The following RAB20 variants were observed in gnomAD, a reference collection of about 807,000 sequenced individuals.
The protein encoded by RAB20 is RAB20, member RAS oncogene family.
RAB20 carries 2 observed loss-of-function variants against 3.7 expected under a neutral mutation model. That is an observed-to-expected ratio of 0.54 (90% confidence interval 0.22 to 1.69). The LOEUF (loss-of-function observed/expected upper bound fraction) is 1.69, where lower values mean the gene tolerates loss of function less well. Among genes scored for constraint, RAB20 ranks in the 40% most tolerant of loss-of-function variants. RAB20 has a pLI of 0.19. For synonymous variants in RAB20, 126 were observed against 130.8 expected (o/e 0.96, Z 0.25); for missense variants, 276 against 311.9 (o/e 0.88, Z 0.87).
At position 110,555,924 on chromosome 13, in the gene RAB20, G is replaced by T. The variant is rs144405426; in HGVS notation, c.172+5424C>A. ...TCCCTCCTCCCTTTGTAACATGCCT[G>T]CTGGTGTAACCTCAGTGACAGGCAC... is the stretch of plus-strand genomic sequence containing the variant. On this transcript the variant is annotated intron_variant, in intron 1 of 1. Transcript: ENST00000267328. The surrounding 1 kb of genome is among the most constrained non-coding windows in gnomAD (Gnocchi z 4.0). Among the ~76,000 whole-genome samples the T allele has an allele frequency of 4.3e-4, 66 of 152,324 alleles. No homozygotes were observed. The East Asian group carries it at 0.012, about 27-fold the overall frequency.
At position 110,524,131 on chromosome 13, in the gene RAB20, T is replaced by G; in HGVS notation, c.239A>C (p.Tyr80Ser). Residue 80 changes from tyrosine to serine, a missense_variant, in exon 2 of 2, where the codon TAT becomes TCT. Physicochemically the swap from Tyr to Ser is moderately radical, Grantham distance 144. Coordinates refer to ENST00000267328, the MANE Select transcript of RAB20 (RefSeq NM_017817.3). ...CAGGCTCTGCCGGTGATTCACATCA[T>G]AGGTGAGGATGATGGCGGCCGCCCC... is the stretch of plus-strand genomic sequence containing the variant. ...CRGAAAIILT[Y>S]DVNHRQSLVE... 6.2e-7 allele frequency: 1 copy of G among 1,611,138 alleles called. No individual in the cohort carries two copies. The highest frequency in any genetic ancestry group is 1.1e-5 in the South Asian group (1 of 91,078).
chr13:110,533,266 T>C (rs1368628542), intron 1 of RAB20, among the ~76,000 whole-genome samples: 2 of 152,226 alleles, frequency 1.3e-5, no homozygotes, highest in African/African-American at 4.8e-5. Context: ...GTTATTTTAG[T>C]TCTATTTTGT....
At chr13:110,527,900 T>TACACAC (rs61582404) in intron 1 of RAB20, among the ~76,000 whole-genome samples, 2,845 of 138,154 alleles carry the variant, frequency 0.021, 45 homozygotes, top group East Asian at 0.025. Flanking sequence ...TCTCTACAAA[T>TACACAC]ACACACACAC....
intron 1 of RAB20, among the ~76,000 whole-genome samples, chr13:110,525,242 G>A (rs1884407368): frequency 6.6e-6 from 1 of 152,244 alleles, no homozygotes; most frequent in Non-Finnish European, 1.5e-5. Flanking sequence ...CTGGGCCAGG[G>A]CACTGGAACA....
rs115989143 is a variant in RAB20, at chr13:110,560,235, G to A, written c.172+1113C>T. On this transcript the variant is annotated intron_variant, in intron 1 of 1. Transcript: ENST00000267328. ...TCAGGGAAATGCACCTCTTTACCTG[G>A]GGGACATTGTTTTCACAAGATGATT... Among the ~76,000 whole-genome samples, 585 of 152,234 alleles carry A rather than the reference G, an allele frequency of 3.8e-3. 7 individuals carry two copies. The highest frequency in any genetic ancestry group is 0.014 in the African/African-American group (570 of 41,530).
At position 110,523,485 on chromosome 13, in the gene RAB20, A is replaced by T; in HGVS notation, c.*180T>A. 5 of 1,159,318 alleles carry T rather than the reference A, an allele frequency of 4.3e-6. No homozygotes were observed. The highest frequency in any genetic ancestry group is 2.9e-5 in the Admixed American group (1 of 34,788). 71.8% of individuals were successfully genotyped at this position (1,159,318 alleles called of 1,614,324 possible). On this transcript the variant is annotated 3_prime_UTR_variant, in exon 2 of 2. Transcript: ENST00000267328. ...CTCCCCACCCCTCTGACAGAGACTG[A>T]GGAGACCACACACGTTGACCTCCTC...
At chr13:110,527,900 T>TACACACACACACAC (rs61582404) in intron 1 of RAB20, among the ~76,000 whole-genome samples, 1,386 of 138,170 alleles carry the variant, frequency 0.01, 13 homozygotes, top group Non-Finnish European at 0.011. Flanking sequence ...TCTCTACAAA[T>TACACACACACACAC]ACACACACAC....
chr13:110,546,291 A>G (rs1884848129), intron 1 of RAB20, among the ~76,000 whole-genome samples: 1 of 152,206 alleles, frequency 6.6e-6, no homozygotes, highest in Non-Finnish European at 1.5e-5. Flanking sequence ...TTTTAAGAAG[A>G]CATCACTGAG....
At chr13:110,529,176 A>G (rs144098319) in intron 1 of RAB20, among the ~76,000 whole-genome samples, 2,733 of 152,344 alleles carry the variant, frequency 0.018, 48 homozygotes, top group Middle Eastern at 0.041. Context: ...TGTCACTACA[A>G]CTTGACCTTT....
At chr13:110,528,387 G>A (rs534308304) in intron 1 of RAB20, among the ~76,000 whole-genome samples, 334 of 139,182 alleles carry the variant, frequency 2.4e-3, no homozygotes, top group African/African-American at 8.5e-3. Flanking sequence ...CTGCACTCCA[G>A]CCTGGGCAAG....
At chr13:110,538,255 AAG>A (rs1173660617) in intron 1 of RAB20, among the ~76,000 whole-genome samples, 3 of 149,036 alleles carry the variant, frequency 2.0e-5, no homozygotes, top group African/African-American at 7.4e-5. Context: ...AAAAAAAAAA[AAG>A]AAAGAAAGAA....
chr13:110,558,694 GTTTTTTTTTTT>G (rs67548367), intron 1 of RAB20, among the ~76,000 whole-genome samples: 1 of 50,892 alleles, frequency 2.0e-5, no homozygotes, highest in Non-Finnish European at 3.8e-5. Context: ...CTTCCCATCT[GTTTTTTTTTTT>G]TTTTTTTTTT....
At chr13:110,525,928 T>C (rs928383059) in intron 1 of RAB20, among the ~76,000 whole-genome samples, 6 of 152,240 alleles carry the variant, frequency 3.9e-5, no homozygotes, top group African/African-American at 1.4e-4. Context: ...TGGTGATGCA[T>C]TTGTTTCAAT....
chr13:110,532,678 A>AT (rs756994269), intron 1 of RAB20, among the ~76,000 whole-genome samples: 6 of 150,072 alleles, frequency 4.0e-5, no homozygotes, highest in African/African-American at 7.4e-5. Context: ...CGCCCAGCCT[A>AT]TTTAATTATT....
chr13:110,540,742 C>CA (rs57711956), intron 1 of RAB20, among the ~76,000 whole-genome samples: 37,050 of 142,058 alleles, frequency 0.26, 5,382 homozygotes, highest in South Asian at 0.32. Flanking sequence ...AACTCCGTCT[C>CA]AAAAAAAAAA....
chr13:110,531,636 T>C (rs1594129971), intron 1 of RAB20, among the ~76,000 whole-genome samples: 2 of 152,198 alleles, frequency 1.3e-5, no homozygotes, highest in Admixed American at 6.5e-5. Flanking sequence ...GGCCCTGTAA[T>C]AGAAGTGCTT....
intron 1 of RAB20, among the ~76,000 whole-genome samples, chr13:110,548,236 C>G (rs191710568): frequency 6.6e-6 from 1 of 152,302 alleles, no homozygotes; most frequent in Non-Finnish European, 1.5e-5. Context: ...GTCATTCCAG[C>G]ACTTTGGGAG....
intron 1 of RAB20, among the ~76,000 whole-genome samples, chr13:110,546,711 T>G (rs202176315): frequency 1.1e-4 from 15 of 136,610 alleles, no homozygotes; most frequent in African/African-American, 2.6e-5. Flanking sequence ...TTTTTTTTTG[T>G]TTTTTGGGTT....
chr13:110,556,090 A>T (rs943185912), intron 1 of RAB20, among the ~76,000 whole-genome samples: 2 of 152,134 alleles, frequency 1.3e-5, no homozygotes, highest in African/African-American at 4.8e-5. Flanking sequence ...CCCTTATTAC[A>T]CAGGAGGAGC....
Sources: gnomAD v4.1 joint callset for allele counts (sites outside exome capture counted in the v4.1 genomes callset) on GRCh38, gnomAD v4.1.1 for gene constraint, Gnocchi (gnomAD v3.1) non-coding constraint, MANE v1.5 for transcripts, NCBI Gene and HGNC (gene_info 2026-07-23, HGNC 2026-07-21) for gene names.